Variants in MRM1 observed in about 807,000 individuals in gnomAD.
MRM1 encodes the protein rRNA methyltransferase 1, mitochondrial.
In MRM1, 24 loss-of-function variants were observed where a neutral mutation model predicts 25.0. That is an observed-to-expected ratio of 0.96 (90% CI 0.69 to 1.35). MRM1 has a LOEUF of 1.35. Among genes scored for constraint, MRM1 ranks in the 40% most tolerant of loss-of-function variants. The pLI, the probability that MRM1 is intolerant of heterozygous loss-of-function variation, is 0.00. For synonymous variants in MRM1, 188 were observed against 199.2 expected (o/e 0.94, Z 0.47); for missense variants, 431 against 464.1 (o/e 0.93, Z 0.65).
At position 36,602,908 on chromosome 17, in the gene MRM1, C is replaced by G; in HGVS notation, c.636+262C>G. On this transcript the variant is annotated intron_variant, in intron 2 of 4. Transcript: ENST00000614766. This position sits in a 1 kb window ranked among gnomAD's most constrained non-coding sequence, Gnocchi z 4.1. The stretch of plus-strand genomic sequence containing the variant: ...CTTTGCCTCTTCTGTAAGTCAGCCT[C>G]AGTGTCTATTTGCCTACTAGGTCGG... The G allele has an allele frequency of 1.0e-6, 1 of 984,302 alleles. No homozygotes were observed. Among genetic ancestry groups the G allele is most frequent in the Non-Finnish European group, 1.2e-6 (1 of 828,898 alleles). The allele number at this position is 984,302 out of a possible 1,614,324, so 61.0% of individuals were successfully genotyped here. A position where few individuals can be genotyped will look rare whatever the true frequency, so the allele number is the denominator to read the frequency against.
the MRM1 span, among the ~76,000 whole-genome samples, chr17:36,623,172 C>T: frequency 3.3e-5 from 5 of 152,166 alleles, no homozygotes; most frequent in South Asian, 4.1e-4. Context: ...CAGCCTCTGC[C>T]GGGGAGCTGG....
chr17:36,633,566 AGAG>A, the MRM1 span, among the ~76,000 whole-genome samples: 21 of 150,990 alleles, frequency 1.4e-4, no homozygotes, highest in Non-Finnish European at 2.4e-4. Context: ...AAGACGACAA[AGAG>A]GAGAAGAGGA....
the MRM1 span, among the ~76,000 whole-genome samples, chr17:36,629,406 G>A: frequency 1.3e-5 from 2 of 152,192 alleles, no homozygotes; most frequent in Non-Finnish European, 2.9e-5. Context: ...CCTGCCAAGT[G>A]GGTGAGCTGC....
the MRM1 span, among the ~76,000 whole-genome samples, chr17:36,630,643 G>A: frequency 6.6e-6 from 1 of 152,178 alleles, no homozygotes; most frequent in Non-Finnish European, 1.5e-5. Flanking sequence ...AGGGATAGGA[G>A]AGTGAGGTGG....
Position 36,608,783 on chromosome 17 carries a change from G to A in MRM1, c.*368G>A. 4.8e-6 allele frequency: 1 copy of A among 210,412 alleles called. No homozygotes were observed. The highest frequency in any genetic ancestry group is 9.4e-6 in the Non-Finnish European group (1 of 106,550). The allele number at this position is 210,412 out of a possible 1,614,324, so 13.0% of individuals were successfully genotyped here. On this transcript the variant is annotated 3_prime_UTR_variant, in exon 5 of 5. Coordinates refer to ENST00000614766, the MANE Select transcript of MRM1 (RefSeq NM_024864.5). ...GAACCAGTCATTGCCTGTGGCAAAT[G>A]TGTGTATGAGAATGTGGGGGGTGGA...
chr17:36,622,239 T>A, the MRM1 span, among the ~76,000 whole-genome samples: 1 of 152,112 alleles, frequency 6.6e-6, no homozygotes, highest in Non-Finnish European at 1.5e-5. Flanking sequence ...CCCTGCTGAT[T>A]TCCTTGCGAT....
the MRM1 span, among the ~76,000 whole-genome samples, chr17:36,616,747 T>G: frequency 2.4e-4 from 36 of 152,304 alleles, no homozygotes; most frequent in African/African-American, 8.4e-4. Context: ...TGTTTTCTTT[T>G]ATAGACAGGG....
chr17:36,630,735 G>A, the MRM1 span, among the ~76,000 whole-genome samples: 6 of 152,168 alleles, frequency 3.9e-5, no homozygotes, highest in African/African-American at 7.2e-5. Flanking sequence ...CGAATGGTTC[G>A]CTAGAGACAT....
intron 2 of MRM1, 104 bp from the exon 3 acceptor site, chr17:36,607,566 T>G: frequency 3.6e-6 from 5 of 1,381,086 alleles, no homozygotes; most frequent in South Asian, 2.8e-5. Flanking sequence ...GAGGCTGCGG[T>G]GAGCTGTGAT....
At chr17:36,620,537 C>T in the MRM1 span, among the ~76,000 whole-genome samples, 28 of 152,178 alleles carry the variant, frequency 1.8e-4, no homozygotes, top group Non-Finnish European at 3.1e-4. Context: ...GAAGAGGATA[C>T]CTTGGAGGTA....
rs371023382 is a variant in MRM1 at position 36,605,838 on chromosome 17, CCATCATCTG to C, written c.637-1831_637-1823del. On this transcript the variant is annotated intron_variant, in intron 2 of 4. Transcript: ENST00000614766. ...CTACCACTCTGGCCCAAGCAAGTCACCATCATCTGTTGACCGTTATTGCAGAAACTTCCC... is the reference window on the plus strand; with the variant it reads ...CTACCACTCTGGCCCAAGCAAGTCACTTGACCGTTATTGCAGAAACTTCCC... 5.0e-3 allele frequency among the ~76,000 whole-genome samples: 757 copies of C among 152,230 alleles called. 4 individuals carry two copies. Among genetic ancestry groups the C allele is most frequent in the Non-Finnish European group, 9.5e-3 (643 of 68,020 alleles).
downstream of MRM1, among the ~76,000 whole-genome samples, chr17:36,609,705 C>G (rs1035618667): frequency 6.6e-6 from 1 of 152,132 alleles, no homozygotes; most frequent in Non-Finnish European, 1.5e-5. Context: ...GGGGGGCGCT[C>G]CTTACCCACC....
chr17:36,629,096 G>C, the MRM1 span, among the ~76,000 whole-genome samples: 1 of 152,176 alleles, frequency 6.6e-6, no homozygotes. Flanking sequence ...GCCAAAAAGA[G>C]GTCACCCAAA....
At chr17:36,608,158 A>T in intron 4 of MRM1, 85 bp from the exon 5 acceptor site, 2 of 1,519,828 alleles carry the variant, frequency 1.3e-6, no homozygotes, top group Non-Finnish European at 1.8e-6. Flanking sequence ...CCCGTTGATG[A>T]GATGAGGGGC....
the MRM1 span, among the ~76,000 whole-genome samples, chr17:36,621,864 C>T: frequency 6.6e-6 from 1 of 152,124 alleles, no homozygotes; most frequent in Non-Finnish European, 1.5e-5. Context: ...CTATCCCCGT[C>T]TTCCTACAGG....
the MRM1 span, among the ~76,000 whole-genome samples, chr17:36,626,563 T>C: frequency 6.6e-6 from 1 of 152,134 alleles, no homozygotes; most frequent in Admixed American, 6.5e-5. Flanking sequence ...GGTTTCACCA[T>C]GTTGACAGGC....
chr17:36,631,172 C>T, the MRM1 span, among the ~76,000 whole-genome samples: 1 of 152,254 alleles, frequency 6.6e-6, no homozygotes, highest in African/African-American at 2.4e-5. Flanking sequence ...GCTCTGGAGA[C>T]TGTGACCTTG....
chr17:36,618,909 T>C, the MRM1 span, among the ~76,000 whole-genome samples: 1 of 152,212 alleles, frequency 6.6e-6, no homozygotes, highest in Non-Finnish European at 1.5e-5. Flanking sequence ...GACTCCAGAA[T>C]TGTGGCTTTT....
At chr17:36,609,391 T>C (rs1156234041), downstream of MRM1, among the ~76,000 whole-genome samples, 1 of 152,234 alleles carries the variant, frequency 6.6e-6, no homozygotes, top group Admixed American at 6.5e-5. Context: ...AGCGCCACCA[T>C]TGGTCTAATG....
Sources: allele counts gnomAD v4.1 joint callset (sites outside exome capture counted in the v4.1 genomes callset), GRCh38; gene constraint gnomAD v4.1.1; non-coding constraint Gnocchi (gnomAD v3.1); transcripts MANE v1.5; gene names NCBI Gene and HGNC (gene_info 2026-07-23, HGNC 2026-07-21).